The following ITSN1 variants were observed in gnomAD, a reference collection of about 807,000 sequenced individuals.
The protein encoded by ITSN1 is intersectin-1.
A neutral mutation model predicts 239.8 loss-of-function variants in ITSN1; 58 were observed. The ratio of observed to expected loss-of-function variants is 0.24; its 90% CI spans 0.20 to 0.30. The LOEUF is 0.30. ITSN1 is among the 10% of genes least tolerant of loss of function. The pLI is 1.00. For missense variants in ITSN1, 1,558 were observed against 2,103.3 expected (o/e 0.74, Z 5.07); for synonymous variants, 780 against 770.8 (o/e 1.01, Z -0.20).
intron 24 of ITSN1, among the ~76,000 whole-genome samples, chr21:33,820,280 C>T (rs2073584833): frequency 6.6e-6 from 1 of 152,152 alleles, no homozygotes; most frequent in Admixed American, 6.6e-5. Flanking sequence ...GTAAAAATCT[C>T]ACATCTTTTT....
intron 1 of ITSN1, among the ~76,000 whole-genome samples, chr21:33,713,339 A>T (rs1163010576): frequency 6.6e-6 from 1 of 151,728 alleles, no homozygotes; most frequent in Non-Finnish European, 1.5e-5. Context: ...TCCCAGGTTC[A>T]CGCCATTCTC....
chr21:33,718,901 A>AT (rs765836964), intron 2 of ITSN1, 45 bp downstream of exon 2: 1 of 1,529,582 alleles, frequency 6.5e-7, no homozygotes, highest in Admixed American at 1.8e-5. Context: ...TTGGGACCAG[A>AT]TTTTAAAAAC....
intron 8 of ITSN1, among the ~76,000 whole-genome samples, chr21:33,760,000 G>T (rs2068185710): frequency 6.6e-6 from 1 of 152,086 alleles, no homozygotes; most frequent in Non-Finnish European, 1.5e-5. Context: ...CTATTCAGGA[G>T]GCTGAGGCAG....
At chr21:33,654,610 G>A (rs76264332) in intron 1 of ITSN1, among the ~76,000 whole-genome samples, 2,581 of 152,114 alleles carry the variant, frequency 0.017, 31 homozygotes, top group Non-Finnish European at 0.027. Flanking sequence ...TTGAACTCGG[G>A]TTGGGCACCT....
At chr21:33,847,008 G>T (rs946194329) in intron 29 of ITSN1, among the ~76,000 whole-genome samples, 4 of 152,238 alleles carry the variant, frequency 2.6e-5, no homozygotes, top group Admixed American at 6.5e-5. Context: ...AAAAGTAGGG[G>T]CCCCTGCGGA....
Position 33,818,146 on chromosome 21 carries a change from C to T in ITSN1, c.2728-121C>T, listed in dbSNP as rs1042203234. 6.8e-6 allele frequency: 5 copies of T among 735,166 alleles called. No individual in the cohort carries two copies. In the African/African-American group the frequency reaches 8.9e-5, roughly 13 times the overall value. The allele number at this position is 735,166 out of a possible 1,614,324, so 45.5% of individuals were successfully genotyped here. A position where few individuals can be genotyped will look rare whatever the true frequency, so the allele number is the denominator to read the frequency against. On this transcript the variant is annotated intron_variant, in intron 22 of 39. Coordinates refer to ENST00000381318, the MANE Select transcript of ITSN1 (RefSeq NM_003024.3). Reference sequence around the variant, plus strand: ...CCCTCCTGCTGTGCTGCCTCAGGGCCCTTTGTGGCTGTGTGTGCTTGTCTG... The same window carrying T: ...CCCTCCTGCTGTGCTGCCTCAGGGCTCTTTGTGGCTGTGTGTGCTTGTCTG...
intron 34 of ITSN1, among the ~76,000 whole-genome samples, chr21:33,878,079 A>G (rs1984300469): frequency 2.0e-5 from 3 of 150,394 alleles, no homozygotes; most frequent in South Asian, 4.2e-4. Flanking sequence ...TCTGTTGCCC[A>G]GGCTGGAGTG....
rs1986923550 is a variant in ITSN1 at position 33,898,649 on chromosome 21, C to G, written c.*10349C>G. ...CTGCAGTAACAAAAAGAGCTGGTTT[C>G]TGGTGATCTGAATGCATTGTGTTTG... On this transcript the variant is annotated 3_prime_UTR_variant, in exon 40 of 40. Transcript: ENST00000381318. 2.0e-5 allele frequency: 3 copies of G among 152,262 alleles called. No individual in the cohort carries two copies. Among genetic ancestry groups the G allele is most frequent in the Admixed American group, 2.0e-4 (3 of 15,282 alleles). The allele number at this position is 152,262 out of a possible 1,614,324, so 9.4% of individuals were successfully genotyped here.
intron 27 of ITSN1, among the ~76,000 whole-genome samples, chr21:33,833,841 C>T (rs1602517165): frequency 6.8e-6 from 1 of 147,192 alleles, no homozygotes. Flanking sequence ...CACTGCACTC[C>T]AGCCGGGGTG....
chr21:33,752,884 T>C (rs2067653148), intron 7 of ITSN1, among the ~76,000 whole-genome samples: 1 of 152,070 alleles, frequency 6.6e-6, no homozygotes, highest in Non-Finnish European at 1.5e-5. Flanking sequence ...CACTAGAAAT[T>C]GTTAAGTGAA....
chr21:33,794,307 G>A lies in ITSN1; in HGVS notation c.1825-34G>A, dbSNP rs749958873. On this transcript the variant is annotated intron_variant, in intron 16 of 39. Coordinates refer to ENST00000381318, the MANE Select transcript of ITSN1 (RefSeq NM_003024.3). Reference sequence around the variant, plus strand: ...AATAGTTGATGTACCTGTCACTCATGTCGCTACATGAACTGTTTCTCGGTT... The same window carrying A: ...AATAGTTGATGTACCTGTCACTCATATCGCTACATGAACTGTTTCTCGGTT... The A allele has an allele frequency of 9.3e-6, 14 of 1,500,228 alleles. No individual in the cohort carries two copies. In the East Asian group the frequency reaches 3.2e-4, roughly 34 times the overall value. The allele number at this position is 1,500,228 out of a possible 1,614,324, so 92.9% of individuals were successfully genotyped here.
intron 29 of ITSN1, among the ~76,000 whole-genome samples, chr21:33,842,050 G>A (rs543744405): frequency 1.3e-5 from 2 of 150,924 alleles, no homozygotes; most frequent in Non-Finnish European, 2.9e-5. Flanking sequence ...ACAGGTGCCC[G>A]CCACCATGCC....
At chr21:33,678,756 C>T (rs1353311492) in intron 1 of ITSN1, among the ~76,000 whole-genome samples, 3 of 152,244 alleles carry the variant, frequency 2.0e-5, no homozygotes, top group Middle Eastern at 3.4e-3. Flanking sequence ...CTTTGTCATC[C>T]AGGCTGGAGT....
intron 1 of ITSN1, among the ~76,000 whole-genome samples, chr21:33,686,009 A>G (rs1242683681): frequency 6.6e-6 from 1 of 152,238 alleles, no homozygotes; most frequent in Non-Finnish European, 1.5e-5. Flanking sequence ...GTACTTAAGC[A>G]TAGAAAACTG....
At chr21:33,698,029 C>G (rs986475811) in intron 1 of ITSN1, among the ~76,000 whole-genome samples, 3 of 152,156 alleles carry the variant, frequency 2.0e-5, no homozygotes, top group African/African-American at 7.2e-5. Context: ...TCCTGTCTTT[C>G]ATTGCTGTCC....
At chr21:33,816,878 A>G (rs2073312241) in intron 22 of ITSN1, among the ~76,000 whole-genome samples, 1 of 152,176 alleles carries the variant, frequency 6.6e-6, no homozygotes, top group African/African-American at 2.4e-5. Flanking sequence ...GAGTGAATGT[A>G]CAGCTAAGTG....
rs2074491862 is a variant in ITSN1 at position 33,834,574 on chromosome 21, ATATGGAAT to A, written c.3469+151_3469+158del. On this transcript the variant is annotated intron_variant, in intron 28 of 39. Transcript: ENST00000381318. ...CTGGGACTGACACCCAACTAATGTG[ATATGGAAT>A]ATGTCTTTCAAAAGGACCAGATATC... The A allele has an allele frequency of 4.6e-6, 3 of 648,418 alleles. No homozygotes were observed. In the Admixed American group the frequency reaches 7.8e-5, roughly 17 times the overall value. The allele number at this position is 648,418 out of a possible 1,614,324, so 40.2% of individuals were successfully genotyped here.
intron 5 of ITSN1, among the ~76,000 whole-genome samples, chr21:33,735,860 C>T (rs772449090): frequency 6.6e-6 from 1 of 151,932 alleles, no homozygotes; most frequent in African/African-American, 2.4e-5. Context: ...AAAAATTAGC[C>T]AGGTGTGGTG....
intron 32 of ITSN1, among the ~76,000 whole-genome samples, chr21:33,866,427 G>A (rs535444490): frequency 1.3e-5 from 2 of 152,076 alleles, no homozygotes; most frequent in East Asian, 3.9e-4. Context: ...TTCATTGTTG[G>A]ATGCACTTGA....
Sources: allele counts gnomAD v4.1 joint callset (sites outside exome capture counted in the v4.1 genomes callset), GRCh38; gene constraint gnomAD v4.1.1; transcripts MANE v1.5; gene names NCBI Gene and HGNC (gene_info 2026-07-23, HGNC 2026-07-21).